Variants in CPEB3 observed in about 807,000 individuals in gnomAD.
The protein encoded by CPEB3 is cytoplasmic polyadenylation element binding protein 3.
CPEB3 carries 20 observed loss-of-function variants against 67.2 expected under a neutral mutation model. The observed-to-expected ratio is 0.30, with a 90% CI of 0.21 to 0.43. The LOEUF (loss-of-function observed/expected upper bound fraction) is 0.43, where lower values mean the gene tolerates loss of function less well. CPEB3 is among the 20% of genes least tolerant of loss of function. The pLI is 1.00. For synonymous variants in CPEB3, 376 were observed against 393.1 expected (o/e 0.96, Z 0.51); for missense variants, 746 against 968.6 (o/e 0.77, Z 3.05).
Position 92,257,515 on chromosome 10 carries a change from C to T in CPEB3, c.-11-17154G>A, listed in dbSNP as rs547236214. On this transcript the variant is annotated intron_variant, in intron 1 of 9. Coordinates refer to ENST00000265997, the MANE Select transcript of CPEB3 (RefSeq NM_014912.5). ...TTTGCCATGTTGCCCAGGCTGGTTTCAAACTCCTGGGCTCAGGCAATCCTC... is the reference window on the plus strand; with the variant it reads ...TTTGCCATGTTGCCCAGGCTGGTTTTAAACTCCTGGGCTCAGGCAATCCTC... Among the ~76,000 whole-genome samples the T allele has an allele frequency of 6.6e-5, 10 of 152,160 alleles. No individual in the cohort carries two copies. In the South Asian group the frequency reaches 2.1e-3, roughly 32 times the overall value.
intron 7 of CPEB3, among the ~76,000 whole-genome samples, chr10:92,107,347 G>C (rs1191214651): frequency 6.6e-6 from 1 of 152,128 alleles, no homozygotes; most frequent in Non-Finnish European, 1.5e-5. Flanking sequence ...TTGTAGTCGT[G>C]CTATAAATAA....
chr10:92,149,638 T>C (rs1302951571), intron 4 of CPEB3, among the ~76,000 whole-genome samples: 1 of 152,204 alleles, frequency 6.6e-6, no homozygotes, highest in Non-Finnish European at 1.5e-5. Flanking sequence ...CAAACCTCTG[T>C]CTTATTATTA....
intron 2 of CPEB3, among the ~76,000 whole-genome samples, chr10:92,212,163 G>A (rs894193225): frequency 2.0e-5 from 3 of 151,376 alleles, no homozygotes; most frequent in Non-Finnish European, 4.4e-5. Flanking sequence ...TTATAGGCAG[G>A]AGCCACCGTG....
At chr10:92,216,764 G>T in intron 2 of CPEB3, 1 of 1,610,102 alleles carries the variant, frequency 6.2e-7, no homozygotes, top group Non-Finnish European at 8.5e-7. Context: ...GTGCCTGGAG[G>T]AGGTGCAGTC....
At chr10:92,150,776 T>G (rs1400055496) in intron 4 of CPEB3, among the ~76,000 whole-genome samples, 1 of 152,174 alleles carries the variant, frequency 6.6e-6, no homozygotes, top group Non-Finnish European at 1.5e-5. Context: ...GGGAAATATT[T>G]CCAAGACCAA....
At chr10:92,279,249 A>G (rs1842148033) in intron 1 of CPEB3, among the ~76,000 whole-genome samples, 3 of 152,202 alleles carry the variant, frequency 2.0e-5, no homozygotes, top group Admixed American at 2.0e-4. Context: ...TTCCTCTTAC[A>G]AGCAAGCTGC....
chr10:92,266,426 C>T (rs1469204509), intron 1 of CPEB3, among the ~76,000 whole-genome samples: 2 of 152,022 alleles, frequency 1.3e-5, no homozygotes, highest in African/African-American at 2.4e-5. Context: ...CCTCTTAGAA[C>T]AAAAAAGAAA....
At chr10:92,168,899 G>A (rs187869017) in intron 4 of CPEB3, among the ~76,000 whole-genome samples, 102 of 149,092 alleles carry the variant, frequency 6.8e-4, no homozygotes, top group African/African-American at 2.4e-3. Flanking sequence ...AGGTTCAAGC[G>A]ATTCTCTTGT....
chr10:92,220,179 C>T (rs1225977909), intron 2 of CPEB3, among the ~76,000 whole-genome samples: 1 of 151,918 alleles, frequency 6.6e-6, no homozygotes, highest in Non-Finnish European at 1.5e-5. Context: ...CCCACCCAGC[C>T]CCAAATCTTC....
chr10:92,198,043 C>T (rs562829947), intron 2 of CPEB3, among the ~76,000 whole-genome samples: 5 of 152,206 alleles, frequency 3.3e-5, no homozygotes, highest in Middle Eastern at 3.4e-3. Flanking sequence ...GAGGCGGAGG[C>T]TGCAGTGAGC....
intron 1 of CPEB3, among the ~76,000 whole-genome samples, chr10:92,249,372 C>T (rs927135877): frequency 4.2e-5 from 5 of 119,898 alleles, no homozygotes; most frequent in Non-Finnish European, 7.2e-5. Context: ...AGCGAGACTC[C>T]GTCTCAAAAA....
At chr10:92,132,132 T>C (rs1442344541) in intron 6 of CPEB3, among the ~76,000 whole-genome samples, 3 of 152,168 alleles carry the variant, frequency 2.0e-5, no homozygotes, top group Non-Finnish European at 4.4e-5. Flanking sequence ...ATATCTCAAG[T>C]CAAACTAGTC....
At chr10:92,063,178 G>C (rs1469159850) in intron 9 of CPEB3, among the ~76,000 whole-genome samples, 1 of 152,186 alleles carries the variant, frequency 6.6e-6, no homozygotes, top group African/African-American at 2.4e-5. Context: ...TAACAAGCTA[G>C]AGAAAATATT....
intron 4 of CPEB3, among the ~76,000 whole-genome samples, chr10:92,177,376 T>C (rs1240949003): frequency 6.6e-6 from 1 of 152,188 alleles, no homozygotes. Flanking sequence ...TACTGATGGA[T>C]TGGAGTTTCT....
At chr10:92,221,996 A>C (rs570263526) in intron 2 of CPEB3, among the ~76,000 whole-genome samples, 1 of 152,294 alleles carries the variant, frequency 6.6e-6, no homozygotes, top group South Asian at 2.1e-4. Context: ...GAGAAGTATT[A>C]AAATTTCTAT....
In CPEB3 at chr10:92,239,670, T is replaced by A. The variant is rs1218078117; in HGVS notation, c.681A>T (p.Ala227=). 1 of 1,562,288 alleles carries A rather than the reference T, an allele frequency of 6.4e-7. No homozygotes were observed. Among genetic ancestry groups the A allele is most frequent in the East Asian group, 2.4e-5 (1 of 41,880 alleles). Residue 227 remains alanine, a synonymous_variant, in exon 2 of 10, where the codon GCA becomes GCT. Transcript: ENST00000265997. This position sits in a 1 kb window ranked among gnomAD's most constrained non-coding sequence, Gnocchi z 6.0. ...TSKPSSSSAV[A]AAAAAAAASS... ...AGGCGGCGGCTGCGGCAGCAGCGGC[T>A]GCAACCGCCGAAGACGAGGACGGCT...
At chr10:92,078,971 G>A (rs891699142) in intron 9 of CPEB3, among the ~76,000 whole-genome samples, 9 of 152,152 alleles carry the variant, frequency 5.9e-5, no homozygotes, top group Non-Finnish European at 1.3e-4. Context: ...CAAAGGGAAG[G>A]TAGAAACATG....
At chr10:92,132,909 G>A (rs138883843) in intron 6 of CPEB3, among the ~76,000 whole-genome samples, 138 of 152,314 alleles carry the variant, frequency 9.1e-4, no homozygotes, top group Middle Eastern at 6.8e-3. Context: ...ACCTGCTCCT[G>A]AATGACTATT....
At chr10:92,113,734 C>A (rs935570915) in intron 6 of CPEB3, among the ~76,000 whole-genome samples, 1 of 152,148 alleles carries the variant, frequency 6.6e-6, no homozygotes, top group African/African-American at 2.4e-5. Flanking sequence ...TGACCTTGGG[C>A]ATCCAAAGAA....
Sources: gnomAD v4.1 joint callset for allele counts (sites outside exome capture counted in the v4.1 genomes callset) on GRCh38, gnomAD v4.1.1 for gene constraint, Gnocchi (gnomAD v3.1) non-coding constraint, MANE v1.5 for transcripts, NCBI Gene and HGNC (gene_info 2026-07-23, HGNC 2026-07-21) for gene names.